Variants in TRMT11 observed in about 807,000 individuals in gnomAD.
TRMT11 encodes tRNA methyltransferase 11.
Under a neutral mutation model 62.8 loss-of-function variants are expected in TRMT11, and 53 were observed. The ratio of observed to expected loss-of-function variants is 0.84; its 90% confidence interval spans 0.68 to 1.06. The LOEUF is 1.06. TRMT11 is among the 50% of genes least tolerant of loss of function. The probability of loss-of-function intolerance (pLI) is 0.00; values close to 1 mark genes in which losing one functional copy is unlikely to be tolerated. For synonymous variants in TRMT11, 188 were observed against 190.3 expected (o/e 0.99, Z 0.10); for missense variants, 556 against 553.4 (o/e 1.00, Z -0.05).
chr6:126,054,693 GA>G (rs1269993289), intron 17 of TRMT11, among the ~76,000 whole-genome samples: 1 of 152,212 alleles, frequency 6.6e-6, no homozygotes. Context: ...ATGAGCTGTT[GA>G]AGTGTCATGA....
At chr6:126,027,314 A>G (rs758074264) in intron 12 of TRMT11, among the ~76,000 whole-genome samples, 55 of 152,148 alleles carry the variant, frequency 3.6e-4, no homozygotes, top group Non-Finnish European at 1.8e-4. Context: ...ATTCTCTCTC[A>G]ACCTTCTCCA....
At chr6:126,175,305 A>G (rs979301170), upstream of TRMT11, among the ~76,000 whole-genome samples, 1 of 152,150 alleles carries the variant, frequency 6.6e-6, no homozygotes, top group Non-Finnish European at 1.5e-5. Flanking sequence ...AACCTGACAC[A>G]CTTGGCCCTT....
chr6:126,163,492 A>G (rs371903123), intron 21 of TRMT11, among the ~76,000 whole-genome samples: 39 of 152,344 alleles, frequency 2.6e-4, no homozygotes, highest in African/African-American at 9.4e-4. Context: ...AATGTTCCTC[A>G]GGGATATCGG....
At chr6:126,104,447 A>AGC (rs1777440762) in intron 17 of TRMT11, among the ~76,000 whole-genome samples, 4 of 152,204 alleles carry the variant, frequency 2.6e-5, no homozygotes, top group African/African-American at 4.8e-5. Context: ...ACTATCAGGA[A>AGC]GCTGAGGTTG....
At chr6:126,047,694 G>A (rs143278304) in intron 16 of TRMT11, among the ~76,000 whole-genome samples, 1 of 152,298 alleles carries the variant, frequency 6.6e-6, no homozygotes, top group African/African-American at 2.4e-5. Flanking sequence ...CACAGTCCTA[G>A]ATGCTACCGT....
the TRMT11 span, among the ~76,000 whole-genome samples, chr6:126,255,718 T>C: frequency 6.6e-6 from 1 of 152,290 alleles, no homozygotes; most frequent in Admixed American, 6.5e-5. Flanking sequence ...GGAAGAATTT[T>C]TGGGGAAGGG....
the TRMT11 span, among the ~76,000 whole-genome samples, chr6:126,262,114 A>G: frequency 6.6e-6 from 1 of 152,216 alleles, no homozygotes; most frequent in Non-Finnish European, 1.5e-5. Flanking sequence ...GAAGTTTTGC[A>G]GCAGTATGTG....
At chr6:126,224,919 C>T in the TRMT11 span, among the ~76,000 whole-genome samples, 1 of 152,118 alleles carries the variant, frequency 6.6e-6, no homozygotes, top group Admixed American at 6.5e-5. Context: ...GGTGGGGTCC[C>T]TCAGAAAAGG....
intron 21 of TRMT11, among the ~76,000 whole-genome samples, chr6:126,143,929 A>G (rs1266551823): frequency 6.6e-6 from 1 of 152,216 alleles, no homozygotes; most frequent in Non-Finnish European, 1.5e-5. Flanking sequence ...TTCCACAGCC[A>G]TCTAGACAGA....
Position 126,038,961 on chromosome 6 carries a change from A to G in TRMT11, c.*125A>G. ...AAAATATTTTATATAGAAAAGCTAC[A>G]AAGTAAATTGAGCAATGCTTTTAAA... On this transcript the variant is annotated 3_prime_UTR_variant, in exon 13 of 13. Transcript: ENST00000334379. 1 of 804,896 alleles carries G rather than the reference A, an allele frequency of 1.2e-6. No individual in the cohort carries two copies. The highest frequency in any genetic ancestry group is 1.8e-6 in the Non-Finnish European group (1 of 540,712). 49.9% of individuals were successfully genotyped at this position (804,896 alleles called of 1,614,324 possible). A position where few individuals can be genotyped will look rare whatever the true frequency, so the allele number is the denominator to read the frequency against.
upstream of TRMT11, among the ~76,000 whole-genome samples, chr6:126,172,561 A>G (rs960428647): frequency 9.2e-5 from 14 of 152,234 alleles, no homozygotes; most frequent in Non-Finnish European, 1.5e-4. Context: ...AGCCCTGGTC[A>G]AAAGTGTGAA....
chr6:126,243,085 C>T, the TRMT11 span, among the ~76,000 whole-genome samples: 1 of 150,286 alleles, frequency 6.7e-6, no homozygotes, highest in Non-Finnish European at 1.5e-5. Context: ...AACAAATTTA[C>T]AAGAAAAAAT....
At chr6:126,122,082 G>T (rs1488135642) in intron 21 of TRMT11, among the ~76,000 whole-genome samples, 2 of 152,032 alleles carry the variant, frequency 1.3e-5, no homozygotes, top group African/African-American at 4.8e-5. Flanking sequence ...AGATCTGATC[G>T]TTTTATAAAG....
chr6:126,063,128 T>C lies in TRMT11; in HGVS notation c.*1437+9938T>C, dbSNP rs1267451829. On this transcript the variant is annotated intron_variant and NMD_transcript_variant, in intron 17 of 22. Transcript: ENST00000648977. ...TAAGTGAAAGTATTCCAATGTCATA[T>C]AGTTATCTCTGAGTAGTTTTGCTTT... Among the ~76,000 whole-genome samples the C allele has an allele frequency of 2.6e-5, 4 of 152,352 alleles. No homozygotes were observed. In the East Asian group the frequency reaches 7.7e-4, roughly 29 times the overall value.
At chr6:126,026,312 G>T (rs541849415) in intron 12 of TRMT11, among the ~76,000 whole-genome samples, 3 of 152,126 alleles carry the variant, frequency 2.0e-5, no homozygotes, top group African/African-American at 7.2e-5. Flanking sequence ...TCTACATCTT[G>T]CTGCCTCTCT....
At chr6:126,151,822 C>CTTTAGTTTCCTTTCTTTCTTTCTTTA (rs1554242202) in intron 21 of TRMT11, among the ~76,000 whole-genome samples, 1 of 112,314 alleles carries the variant, frequency 8.9e-6, no homozygotes, top group African/African-American at 3.7e-5. Context: ...TTCTTTCTTT[C>CTTTAGTTTCCTTTCTTTCTTTCTTTA]TTTCTTTCTT....
chr6:126,165,832 T>A (rs1160482113), intron 21 of TRMT11, among the ~76,000 whole-genome samples: 1 of 152,194 alleles, frequency 6.6e-6, no homozygotes, highest in East Asian at 1.9e-4. Flanking sequence ...TTGGCCTGTC[T>A]TGCTAGGTTG....
chr6:126,038,029 T>C (rs1378653145), intron 12 of TRMT11, among the ~76,000 whole-genome samples: 1 of 152,052 alleles, frequency 6.6e-6, no homozygotes, highest in African/African-American at 2.4e-5. Context: ...CAGTGTTTCC[T>C]GCCAGGAACC....
intron 21 of TRMT11, among the ~76,000 whole-genome samples, chr6:126,163,913 T>C (rs372526752): frequency 5.3e-5 from 8 of 152,336 alleles, no homozygotes; most frequent in East Asian, 3.9e-4. Context: ...GTTAATCTTT[T>C]CAAAAAGCCT....
Sources: gnomAD v4.1 joint callset for allele counts (sites outside exome capture counted in the v4.1 genomes callset) on GRCh38, gnomAD v4.1.1 for gene constraint, MANE v1.5 for transcripts, NCBI Gene and HGNC (gene_info 2026-07-23, HGNC 2026-07-21) for gene names.